Variants in CHST15 observed in about 807,000 individuals in gnomAD.
CHST15 encodes B cell RAG associated protein (GALNAC4S-6ST).
Under a neutral mutation model 53.6 loss-of-function variants are expected in CHST15, and 30 were observed. That is an observed-to-expected ratio of 0.56 (90% CI 0.42 to 0.76). The LOEUF (loss-of-function observed/expected upper bound fraction) is 0.76, where lower values mean the gene tolerates loss of function less well. Among genes scored for constraint, CHST15 ranks in the 30% least tolerant of loss-of-function variants. CHST15 has a pLI of 0.00. For synonymous variants in CHST15, 296 were observed against 289.8 expected, an observed-to-expected ratio of 1.02 and a Z score of -0.22; for missense variants, 627 against 740.5, an observed-to-expected ratio of 0.85 and a Z score of 1.78.
intron 1 of CHST15, among the ~76,000 whole-genome samples, chr10:124,060,199 C>A (rs915072893): frequency 3.3e-5 from 5 of 151,032 alleles, no homozygotes; most frequent in African/African-American, 1.2e-4. Flanking sequence ...GTGTTCCAAC[C>A]CTCCCCCGTG....
chr10:124,079,849 G>C (rs773172122), intron 1 of CHST15, among the ~76,000 whole-genome samples: 2 of 152,184 alleles, frequency 1.3e-5, no homozygotes, highest in Non-Finnish European at 2.9e-5. Flanking sequence ...CCCCTCCAAA[G>C]GGTTCCCGCT....
Position 124,008,016 on chromosome 10 carries a change from C to G in CHST15, c.*2133G>C, listed in dbSNP as rs1400750095. ...AGGCCCCTGGAGGGAAAAACCATGT[C>G]TGGATGGCATTGAGTGGCACAGAAG... On this transcript the variant is annotated 3_prime_UTR_variant, in exon 8 of 8. Transcript: ENST00000435907. 11 of 1,231,942 alleles carry G rather than the reference C, an allele frequency of 8.9e-6. No homozygotes were observed. The highest frequency in any genetic ancestry group is 1.1e-5 in the Non-Finnish European group (11 of 987,968). The allele number at this position is 1,231,942 out of a possible 1,614,324, so 76.3% of individuals were successfully genotyped here.
At position 124,064,285 on chromosome 10, in the gene CHST15, AT is replaced by A. The variant is rs150255658; in HGVS notation, c.-512-17562del. On this transcript the variant is annotated intron_variant, in intron 1 of 7. Coordinates refer to ENST00000435907, the MANE Select transcript of CHST15 (RefSeq NM_001270764.2). ...TGGTTTCTGTTTCGGAAAAGTAAAT[AT>A]TTGATCAAAGCACACAGTTTTCAGA... Among the ~76,000 whole-genome samples the A allele has an allele frequency of 7.6e-3, 1,151 of 152,336 alleles. 14 individuals are homozygous for A. The highest frequency in any genetic ancestry group is 0.026 in the African/African-American group (1,073 of 41,584).
intron 1 of CHST15, among the ~76,000 whole-genome samples, chr10:124,081,027 G>C (rs952522993): frequency 6.6e-6 from 1 of 152,126 alleles, no homozygotes; most frequent in Non-Finnish European, 1.5e-5. Flanking sequence ...CTCCAGCCTG[G>C]GCCACTGTGG....
intron 1 of CHST15, among the ~76,000 whole-genome samples, chr10:124,086,000 G>A (rs564664132): frequency 6.6e-6 from 1 of 152,160 alleles, no homozygotes; most frequent in African/African-American, 2.4e-5. Context: ...CAGGCCCTGT[G>A]GGGGGCTGGG....
Position 124,042,366 on chromosome 10 carries a change from T to C in CHST15, c.968A>G (p.Gln323Arg). Residue 323 changes from glutamine to arginine, a missense_variant, in exon 4 of 8, where the codon CAG becomes CGG. By Grantham distance (43) the Gln-to-Arg change is conservative. Transcript: ENST00000435907. Reference sequence around the variant, plus strand: ...GCTGGCCTGCAGTCCTTGATGGATCTGGTGTGCGGCCAGGTCAAAGAGGTC... The same window carrying C: ...GCTGGCCTGCAGTCCTTGATGGATCCGGTGTGCGGCCAGGTCAAAGAGGTC... The part of the protein sequence containing the change: ...YLDLFDLAAH[Q>R]IHQGLQASSA... 6.2e-7 allele frequency: 1 copy of C among 1,614,238 alleles called. No individual in the cohort carries two copies.
chr10:124,038,294 T>C (rs1044746149), intron 5 of CHST15, among the ~76,000 whole-genome samples: 5 of 152,074 alleles, frequency 3.3e-5, no homozygotes, highest in East Asian at 1.9e-4. Flanking sequence ...TTAGTAGAGA[T>C]GGGGTTTCAC....
chr10:124,082,048 G>T (rs1025265327), intron 1 of CHST15, among the ~76,000 whole-genome samples: 19 of 152,172 alleles, frequency 1.2e-4, no homozygotes, highest in African/African-American at 4.3e-4. Context: ...TTATTCGGCC[G>T]CTGGTGGATG....
intron 5 of CHST15, among the ~76,000 whole-genome samples, chr10:124,025,203 T>C (rs1297711450): frequency 6.6e-6 from 1 of 152,216 alleles, no homozygotes; most frequent in East Asian, 1.9e-4. Flanking sequence ...CATACAATTC[T>C]TCAGAGATCA....
At chr10:124,028,219 G>A (rs1947085210) in intron 5 of CHST15, among the ~76,000 whole-genome samples, 1 of 152,202 alleles carries the variant, frequency 6.6e-6, no homozygotes, top group Non-Finnish European at 1.5e-5. Flanking sequence ...CATCTATCAT[G>A]AAGCCGGAAC....
At chr10:124,030,689 C>T (rs552782499) in intron 5 of CHST15, among the ~76,000 whole-genome samples, 59 of 152,336 alleles carry the variant, frequency 3.9e-4, no homozygotes, top group African/African-American at 1.3e-3. Context: ...GAGAAAACAT[C>T]GCATGACATT....
chr10:124,013,962 T>G (rs1052512199), intron 6 of CHST15, among the ~76,000 whole-genome samples: 1 of 152,228 alleles, frequency 6.6e-6, no homozygotes, highest in African/African-American at 2.4e-5. Context: ...CACTCTCATA[T>G]GCACCCTGCC....
rs1046824852 is a variant in CHST15, at chr10:124,036,108, C to T, written c.1190+2407G>A. On this transcript the variant is annotated intron_variant, in intron 5 of 7. Coordinates refer to ENST00000435907, the MANE Select transcript of CHST15 (RefSeq NM_001270764.2). This position sits in a 1 kb window ranked among gnomAD's most constrained non-coding sequence, Gnocchi z 5.1. ...ACAGGAAAACATTTGATGAGCACACCGAGCACTTGCGCCCTTCAGCTGGGG... is the reference window on the plus strand; with the variant it reads ...ACAGGAAAACATTTGATGAGCACACTGAGCACTTGCGCCCTTCAGCTGGGG... Among the ~76,000 whole-genome samples, 9 of 152,340 alleles carry T rather than the reference C, an allele frequency of 5.9e-5. No individual in the cohort carries two copies. In the East Asian group the frequency reaches 1.2e-3, roughly 20 times the overall value.
At chr10:124,069,209 G>A (rs1948837628) in intron 1 of CHST15, among the ~76,000 whole-genome samples, 1 of 152,224 alleles carries the variant, frequency 6.6e-6, no homozygotes, top group Non-Finnish European at 1.5e-5. Flanking sequence ...TCCCGTTTGA[G>A]TTCCTACATC....
intron 7 of CHST15, chr10:124,011,817 CAAGAATA>C: frequency 1.0e-6 from 1 of 985,444 alleles, no homozygotes; most frequent in Non-Finnish European, 1.2e-6. Flanking sequence ...CTGGAATTTC[CAAGAATA>C]CCGGAGATGA....
chr10:124,009,054 C>T lies in CHST15; in HGVS notation c.*1095G>A, dbSNP rs1443550966. The T allele has an allele frequency of 7.8e-7, 1 of 1,287,304 alleles. No homozygotes were observed. Among genetic ancestry groups the T allele is most frequent in the South Asian group, 1.2e-5 (1 of 80,940 alleles). 79.7% of individuals were successfully genotyped at this position (1,287,304 alleles called of 1,614,324 possible). ...GGACACGAGTATCTATAGTCCCTTG[C>T]TGGGTGAGGAACTTTGACCACACGC... On this transcript the variant is annotated 3_prime_UTR_variant, in exon 8 of 8. Transcript: ENST00000435907.
rs1276464155 is a variant in CHST15, at chr10:124,046,729, A to G, written c.-512-5T>C. On this transcript the variant is annotated splice_region_variant and splice_polypyrimidine_tract_variant and intron_variant, in intron 1 of 7. Coordinates refer to ENST00000435907, the MANE Select transcript of CHST15 (RefSeq NM_001270764.2). ...CTTTAAAAAATGCCAGATTTCCTAC[A>G]CAGAAAGACAAGAAGCTTTATTACA... 2 of 152,620 alleles carry G rather than the reference A, an allele frequency of 1.3e-5. No homozygotes were observed. The highest frequency in any genetic ancestry group is 2.4e-5 in the African/African-American group (1 of 41,464). 9.5% of individuals were successfully genotyped at this position (152,620 alleles called of 1,614,324 possible).
intron 6 of CHST15, among the ~76,000 whole-genome samples, chr10:124,015,630 TC>T (rs1946563135): frequency 6.6e-6 from 1 of 152,030 alleles, no homozygotes; most frequent in African/African-American, 2.4e-5. Context: ...CCAGCCAGCC[TC>T]CCCACTAGTC....
chr10:124,018,215 G>A (rs1329354205), intron 6 of CHST15, among the ~76,000 whole-genome samples: 2 of 152,226 alleles, frequency 1.3e-5, no homozygotes, highest in African/African-American at 4.8e-5. Flanking sequence ...AGGGGACAAA[G>A]GTGCACCCTT....
Sources: allele counts gnomAD v4.1 joint callset (sites outside exome capture counted in the v4.1 genomes callset), GRCh38; gene constraint gnomAD v4.1.1; non-coding constraint Gnocchi (gnomAD v3.1); transcripts MANE v1.5; gene names NCBI Gene and HGNC (gene_info 2026-07-23, HGNC 2026-07-21).